The following PPP3CC variants were observed in gnomAD, a reference collection of about 807,000 sequenced individuals.
PPP3CC encodes serine/threonine-protein phosphatase 2B catalytic subunit gamma isoform.
A neutral mutation model predicts 60.3 loss-of-function variants in PPP3CC; 35 were observed. That is an observed-to-expected ratio of 0.58 (90% confidence interval 0.44 to 0.77). The LOEUF (loss-of-function observed/expected upper bound fraction) is 0.77, where lower values mean the gene tolerates loss of function less well. PPP3CC is among the 30% of genes least tolerant of loss of function. The pLI is 0.00. For missense variants in PPP3CC, 570 were observed against 628.9 expected (o/e 0.91, Z 1.00); for synonymous variants, 206 against 224.3 (o/e 0.92, Z 0.73).
chr8:22,521,444 T>C (rs1839402966), intron 6 of PPP3CC, among the ~76,000 whole-genome samples: 1 of 152,328 alleles, frequency 6.6e-6, no homozygotes, highest in East Asian at 1.9e-4. Context: ...ATTCTGGGTC[T>C]GTAGCTGAAA....
intron 3 of PPP3CC, among the ~76,000 whole-genome samples, chr8:22,479,555 C>G (rs577527961): frequency 4.0e-5 from 6 of 151,620 alleles, no homozygotes; most frequent in Non-Finnish European, 8.8e-5. Context: ...ACCAGCCTGG[C>G]GAACATGGTG....
At chr8:22,464,667 T>C (rs983667063) in intron 1 of PPP3CC, among the ~76,000 whole-genome samples, 8 of 152,062 alleles carry the variant, frequency 5.3e-5, no homozygotes, top group African/African-American at 1.7e-4. Context: ...TTTTTATAGG[T>C]GTGAGTCATC....
intron 1 of PPP3CC, among the ~76,000 whole-genome samples, chr8:22,465,390 A>G (rs1837489873): frequency 1.3e-5 from 2 of 152,186 alleles, no homozygotes; most frequent in Admixed American, 1.3e-4. Context: ...TATGCAGTAT[A>G]TCCATGTAAA....
At chr8:22,529,494 C>G (rs548144395) in intron 10 of PPP3CC, among the ~76,000 whole-genome samples, 11 of 152,000 alleles carry the variant, frequency 7.2e-5, no homozygotes, top group African/African-American at 2.4e-4. Context: ...ATCTTCTATC[C>G]TTTTTTTGAG....
intron 10 of PPP3CC, among the ~76,000 whole-genome samples, chr8:22,528,824 A>C (rs1839629427): frequency 6.6e-6 from 1 of 152,186 alleles, no homozygotes; most frequent in East Asian, 1.9e-4. Flanking sequence ...TTATCTTTGC[A>C]CATAGCTTTC....
At chr8:22,525,342 A>T (rs1382954295) in intron 8 of PPP3CC, among the ~76,000 whole-genome samples, 2 of 152,030 alleles carry the variant, frequency 1.3e-5, no homozygotes, top group Admixed American at 6.5e-5. Context: ...CTCCCCATAC[A>T]AGTGCCTTCT....
At chr8:22,539,568 A>T (rs1839914993) in intron 13 of PPP3CC, 70 bp downstream of exon 13, 1 of 1,458,890 alleles carries the variant, frequency 6.9e-7, no homozygotes, top group Non-Finnish European at 9.5e-7. Context: ...CTTTATCAAC[A>T]TTTCAAATAT....
Position 22,475,476 on chromosome 8 carries a change from ATCACT to A in PPP3CC, c.248-22_248-18del. 1 of 1,597,760 alleles carries A rather than the reference ATCACT, an allele frequency of 6.3e-7. No individual in the cohort carries two copies. The highest frequency in any genetic ancestry group is 1.1e-5 in the South Asian group (1 of 88,906). ...CGTCTTCTAAGGTATAATTTCTCAC[ATCACT>A]TTATGCTTTTTTTCCTAGTATGTGG... On this transcript the variant is annotated intron_variant, in intron 2 of 13. Transcript: ENST00000240139.
intron 4 of PPP3CC, among the ~76,000 whole-genome samples, chr8:22,498,394 A>G (rs185485358): frequency 1.3e-5 from 2 of 152,328 alleles, no homozygotes; most frequent in Admixed American, 6.5e-5. Flanking sequence ...CAGTGAGCCA[A>G]GATCACGCCA....
intron 4 of PPP3CC, among the ~76,000 whole-genome samples, chr8:22,499,300 G>A (rs1439623810): frequency 1.3e-5 from 2 of 150,868 alleles, no homozygotes; most frequent in South Asian, 2.1e-4. Context: ...TTAGCCGGGC[G>A]CGGTGGCGGG....
chr8:22,527,769 G>A (rs372181281), intron 9 of PPP3CC, among the ~76,000 whole-genome samples: 3 of 152,008 alleles, frequency 2.0e-5, no homozygotes, highest in African/African-American at 7.2e-5. Context: ...CTGAGGAGCT[G>A]GGATTATAGG....
intron 1 of PPP3CC, among the ~76,000 whole-genome samples, chr8:22,469,668 A>G (rs1317459646): frequency 1.3e-5 from 2 of 152,140 alleles, no homozygotes; most frequent in African/African-American, 4.8e-5. Context: ...ATTCTCTTCA[A>G]AAACCTGAGC....
chr8:22,525,993 G>A (rs1373670633), intron 8 of PPP3CC, among the ~76,000 whole-genome samples: 2 of 150,450 alleles, frequency 1.3e-5, no homozygotes, highest in South Asian at 2.1e-4. Flanking sequence ...TCAGCCTCCC[G>A]AGTAGCTGGG....
intron 1 of PPP3CC, among the ~76,000 whole-genome samples, chr8:22,445,904 A>G (rs1415802841): frequency 6.6e-6 from 1 of 152,212 alleles, no homozygotes; most frequent in Non-Finnish European, 1.5e-5. Context: ...TCTGAGTAGA[A>G]ATCTGGAACC....
chr8:22,528,427 G>A (rs1286604426), intron 9 of PPP3CC, 79 bp from the exon 10 acceptor site: 6 of 932,908 alleles, frequency 6.4e-6, no homozygotes. Flanking sequence ...TAACATGTGT[G>A]TTTATTTAGA....
At chr8:22,469,389 A>G (rs951621736) in intron 1 of PPP3CC, among the ~76,000 whole-genome samples, 1 of 152,174 alleles carries the variant, frequency 6.6e-6, no homozygotes, top group Non-Finnish European at 1.5e-5. Flanking sequence ...GGGTACAAAC[A>G]TACATTAAGA....
At chr8:22,453,809 C>A (rs1164732701) in intron 1 of PPP3CC, among the ~76,000 whole-genome samples, 1 of 152,076 alleles carries the variant, frequency 6.6e-6, no homozygotes, top group African/African-American at 2.4e-5. Context: ...CTTTGGGTAT[C>A]TAAACATATC....
intron 10 of PPP3CC, chr8:22,531,210 A>G: frequency 5.6e-6 from 7 of 1,244,168 alleles, no homozygotes; most frequent in Non-Finnish European, 7.9e-6. Context: ...TTTCACTTTG[A>G]TTTTTTTTTC....
At chr8:22,499,195 T>C (rs1301954168) in intron 4 of PPP3CC, among the ~76,000 whole-genome samples, 10 of 148,708 alleles carry the variant, frequency 6.7e-5, no homozygotes, top group Admixed American at 4.0e-4. Flanking sequence ...ATCCCAGCAC[T>C]TTGGGAGGCC....
Sources: allele counts gnomAD v4.1 joint callset (sites outside exome capture counted in the v4.1 genomes callset), GRCh38; gene constraint gnomAD v4.1.1; transcripts MANE v1.5; gene names NCBI Gene and HGNC (gene_info 2026-07-23, HGNC 2026-07-21).